Variants in ARHGAP9 observed in about 807,000 individuals in gnomAD.
ARHGAP9 encodes Rho GTPase activating protein 9.
Under a neutral mutation model 87.3 loss-of-function variants are expected in ARHGAP9, and 76 were observed. The observed-to-expected ratio is 0.87, with a 90% CI of 0.72 to 1.05. The LOEUF is 1.05. ARHGAP9 is among the 50% of genes least tolerant of loss of function. ARHGAP9 has a pLI of 0.00. For synonymous variants in ARHGAP9, 382 were observed against 394.9 expected (o/e 0.97, Z 0.39); for missense variants, 941 against 960.5 (o/e 0.98, Z 0.27).
chr12:57,474,021 T>C, intron 16 of ARHGAP9, 21 bp downstream of exon 16: 2 of 1,609,180 alleles, frequency 1.2e-6, no homozygotes, highest in South Asian at 2.2e-5. Flanking sequence ...CAAGGGTTCT[T>C]TCCAAAGCTC....
At chr12:57,475,174 A>C in intron 12 of ARHGAP9, 117 bp downstream of exon 12, 1 of 1,227,870 alleles carries the variant, frequency 8.1e-7, no homozygotes, top group Non-Finnish European at 1.1e-6. Context: ...TCTCCCCTAA[A>C]CAATCTGGGG....
upstream of ARHGAP9, among the ~76,000 whole-genome samples, chr12:57,480,605 A>G (rs1874912275): frequency 1.3e-5 from 2 of 152,162 alleles, no homozygotes; most frequent in South Asian, 2.1e-4. Context: ...ACCTTAACTA[A>G]TGACACAATA....
chr12:57,472,916 A>C (rs1453663248), intron 17 of ARHGAP9, among the ~76,000 whole-genome samples: 1 of 152,200 alleles, frequency 6.6e-6, no homozygotes, highest in Non-Finnish European at 1.5e-5. Flanking sequence ...GGGCTGCCCC[A>C]AGAGTTCTGC....
upstream of ARHGAP9, chr12:57,480,698 C>G (rs905499700): frequency 3.6e-6 from 5 of 1,381,844 alleles, no homozygotes; most frequent in African/African-American, 7.2e-5. Context: ...CTGATGCCAG[C>G]TTCTCCTTGG....
Position 57,474,429 on chromosome 12 carries a change from C to T in ARHGAP9, c.1777G>A (p.Gly593Arg). ...GGGTCTTCCATGTAAGTACCTTGTC[C>T]TGGCTGTTCTGGGAACACATACCTC... ...DGRYVFPEQP[G>R]QEGRLDLDST... The change falls in exon 15 of 18, where the codon GGA (glycine) becomes AGA (arginine). Residue 593 changes from glycine to arginine, a missense_variant. Physicochemically the swap from Gly to Arg is moderately radical, Grantham distance 125. Transcript: ENST00000393791. 2.5e-6 allele frequency: 4 copies of T among 1,614,154 alleles called. No individual in the cohort carries two copies. Among genetic ancestry groups the T allele is most frequent in the East Asian group, 2.2e-5 (1 of 44,886 alleles).
At position 57,476,610 on chromosome 12, in the gene ARHGAP9, G is replaced by T; in HGVS notation, c.1005C>A (p.Ala335=). 1 of 1,614,116 alleles carries T rather than the reference G, an allele frequency of 6.2e-7. No homozygotes were observed. Among genetic ancestry groups the T allele is most frequent in the Non-Finnish European group, 8.5e-7 (1 of 1,180,022 alleles). Residue 335 remains alanine (A), a synonymous_variant, in exon 7 of 18, where the codon GCC becomes GCA. Coordinates refer to ENST00000393791, the MANE Select transcript of ARHGAP9 (RefSeq NM_032496.4). Reference sequence around the variant, plus strand: ...CTCACCTGAGCTTGCGCCCCCCTTGGGCAATCTTGGTCATGTTGAGCAGAC... The same window carrying T: ...CTCACCTGAGCTTGCGCCCCCCTTGTGCAATCTTGGTCATGTTGAGCAGAC... ...KSGLLNMTKI[A]QGGRKLRKNW...
chr12:57,482,036 G>A (rs987250075), upstream of ARHGAP9, among the ~76,000 whole-genome samples: 3 of 152,114 alleles, frequency 2.0e-5, no homozygotes, highest in African/African-American at 7.2e-5. Context: ...TCACAGGTAC[G>A]ACAAACTCAG....
chr12:57,488,738 T>C (rs1260722875), exon 1 of ARHGAP9: 1 of 1,344,764 alleles, frequency 7.4e-7, no homozygotes, highest in Non-Finnish European at 1.0e-6. Flanking sequence ...CCAGTTACTT[T>C]CAGTCGTTAA....
At chr12:57,473,403 A>C (rs2139885178) in intron 17 of ARHGAP9, among the ~76,000 whole-genome samples, 200 bp downstream of exon 17, 1 of 151,844 alleles carries the variant, frequency 6.6e-6, no homozygotes, top group Admixed American at 6.5e-5. Context: ...ACAGAGCGAG[A>C]CTCTGTCTCA....
In ARHGAP9 at chr12:57,474,182, G is replaced by A. The variant is rs777819380; in HGVS notation, c.1784-6C>T. 11 of 1,610,452 alleles carry A rather than the reference G, an allele frequency of 6.8e-6. No homozygotes were observed. The South Asian group carries it at 8.8e-5, about 13-fold the overall frequency. On this transcript the variant is annotated splice_region_variant and splice_polypyrimidine_tract_variant and intron_variant, in intron 15 of 17. Coordinates refer to ENST00000393791, the MANE Select transcript of ARHGAP9 (RefSeq NM_032496.4). ...GTCCAAATCTAACCGACCTTCTGGA[G>A]GGAGAAGGAGGTATAGGGGCTCATG...
rs769578935 is a variant in ARHGAP9, at chr12:57,476,442, G to T, written c.1038C>A (p.Gly346=). The change falls in exon 8 of 18, where the codon GGC becomes GGA. Residue 346 remains glycine, a synonymous_variant. Coordinates refer to ENST00000393791, the MANE Select transcript of ARHGAP9 (RefSeq NM_032496.4). ...QGGRKLRKNW[G]PSWVVLTGNS... ...TACCCGTTAACACCACCCAAGACGG[G>T]CCCCAGTTCTTCCTGCGGGGACAGA... The T allele has an allele frequency of 1.2e-6, 2 of 1,614,094 alleles. No homozygotes were observed. Among genetic ancestry groups the T allele is most frequent in the Non-Finnish European group, 1.7e-6 (2 of 1,180,022 alleles).
chr12:57,475,251 T>C (rs1873139680), intron 12 of ARHGAP9, 40 bp downstream of exon 12: 4 of 1,538,584 alleles, frequency 2.6e-6, no homozygotes, highest in African/African-American at 1.4e-5. Flanking sequence ...TGAGCCTCGC[T>C]GGAGTTTTCT....
chr12:57,475,239 T>C (rs1873132364), intron 12 of ARHGAP9, 52 bp downstream of exon 12: 30 of 1,517,446 alleles, frequency 2.0e-5, no homozygotes, highest in Middle Eastern at 3.4e-4. Flanking sequence ...GAAGCTCTAC[T>C]CTGAGCCTCG....
chr12:57,476,548 G>T, intron 7 of ARHGAP9, 42 bp downstream of exon 7: 1 of 1,613,526 alleles, frequency 6.2e-7, no homozygotes, highest in Middle Eastern at 1.6e-4. Context: ...TCTACCCTAT[G>T]GAGTTGACAG....
upstream of ARHGAP9, among the ~76,000 whole-genome samples, chr12:57,483,282 A>G (rs1396435179): frequency 6.6e-6 from 1 of 152,146 alleles, no homozygotes; most frequent in Non-Finnish European, 1.5e-5. Flanking sequence ...ACCCACATTG[A>G]TTCAATTGAT....
Position 57,474,875 on chromosome 12 carries a change from C to T in ARHGAP9, c.1651G>A (p.Gly551Ser), listed in dbSNP as rs756516836. 1.2e-6 allele frequency: 2 copies of T among 1,614,132 alleles called. No homozygotes were observed. The highest frequency in any genetic ancestry group is 2.2e-5 in the South Asian group (2 of 91,074). ...RLCIAAVDKR[G>S]LDVDGIYRVS... is the part of the protein sequence containing the mutation. Reference sequence around the variant, plus strand: ...ATTCTGGGGTCTCTGAGAAAATGACCTCTTTTATCCACAGCAGCAATGCAG... The same window carrying T: ...ATTCTGGGGTCTCTGAGAAAATGACTTCTTTTATCCACAGCAGCAATGCAG... The change falls in exon 13 of 18, where the codon GGT (glycine) becomes AGT (serine). Residue 551 changes from glycine (G) to serine (S), a missense_variant and splice_region_variant. Transcript: ENST00000393791.
At chr12:57,480,754 C>G, upstream of ARHGAP9, 2 of 1,548,636 alleles carry the variant, frequency 1.3e-6, no homozygotes, top group Non-Finnish European at 1.7e-6. Flanking sequence ...CACTTTAAAA[C>G]CCACACTTCT....
chr12:57,475,476 G>A lies in ARHGAP9; in HGVS notation c.1444+7C>T, dbSNP rs575031451. On this transcript the variant is annotated splice_region_variant and intron_variant, in intron 11 of 17. Coordinates refer to ENST00000393791, the MANE Select transcript of ARHGAP9 (RefSeq NM_032496.4). ...CCCGGACTCTCCCTCCCCAGCCCGC[G>A]CCTCACTGGAGCTCCGGCGGCTGCT... The A allele has an allele frequency of 2.1e-4, 337 of 1,592,776 alleles. No homozygotes were observed. Among genetic ancestry groups the A allele is most frequent in the Non-Finnish European group, 2.6e-4 (310 of 1,170,934 alleles).
Position 57,475,555 on chromosome 12 carries a change from C to T in ARHGAP9, c.1372G>A (p.Gly458Arg), listed in dbSNP as rs752015158. The change falls in exon 11 of 18, where the codon GGG (glycine) becomes AGG (arginine). Residue 458 changes from glycine to arginine, a missense_variant. Transcript: ENST00000393791. Reference protein sequence around the residue: ...SGSGPAELSAGEDEEEESELV... With the variant: ...SGSGPAELSAREDEEEESELV... The stretch of plus-strand genomic sequence containing the variant: ...TCCGACTCCTCTTCTTCGTCCTCCC[C>T]GGCGCTCAGCTCCGCGGGTCCAGAG... The T allele has an allele frequency of 7.5e-6, 12 of 1,609,212 alleles. No homozygotes were observed. The highest frequency in any genetic ancestry group is 1.3e-5 in the African/African-American group (1 of 74,872).
Sources: allele counts gnomAD v4.1 joint callset (sites outside exome capture counted in the v4.1 genomes callset), GRCh38; gene constraint gnomAD v4.1.1; transcripts MANE v1.5; gene names NCBI Gene and HGNC (gene_info 2026-07-23, HGNC 2026-07-21).